TRAP1: variants seen among roughly 807,000 people sequenced by gnomAD.
TRAP1 encodes the protein heat shock protein 75 kDa, mitochondrial.
A neutral mutation model predicts 89.1 loss-of-function variants in TRAP1; 102 were observed. The observed-to-expected ratio is 1.15, with a 90% CI of 0.98 to 1.35. The LOEUF is 1.35. Ranked by LOEUF, TRAP1 falls within the 40% of genes most tolerant of loss-of-function variation. The pLI is 0.00. For missense variants in TRAP1, 1,256 were observed against 945.3 expected, an observed-to-expected ratio of 1.33 and a Z score of -4.31; for synonymous variants, 508 against 388.0, an observed-to-expected ratio of 1.31 and a Z score of -3.64.
intron 11 of TRAP1, among the ~76,000 whole-genome samples, chr16:3,667,155 C>T (rs2050844546): frequency 6.6e-6 from 1 of 151,994 alleles, no homozygotes; most frequent in Non-Finnish European, 1.5e-5. Flanking sequence ...TTGGGAAGAG[C>T]CTGGTATGGG....
chr16:3,681,522 C>T (rs1183656691), intron 4 of TRAP1, among the ~76,000 whole-genome samples: 2 of 152,174 alleles, frequency 1.3e-5, no homozygotes, highest in African/African-American at 4.8e-5. Context: ...AACATGGCAC[C>T]AAGAGGCTTC....
intron 11 of TRAP1, among the ~76,000 whole-genome samples, chr16:3,668,443 A>G (rs4786427): frequency 0.32 from 48,792 of 152,122 alleles, 8,819 homozygotes; most frequent in East Asian, 0.55. Context: ...CAAAATACCT[A>G]TAACATCTGT....
chr16:3,663,067 A>C, intron 14 of TRAP1, 100 bp from the exon 15 acceptor site: 1 of 888,142 alleles, frequency 1.1e-6, no homozygotes, highest in Non-Finnish European at 1.7e-6. Flanking sequence ...CTCCTCTCCC[A>C]CCAGGATGGA....
chr16:3,658,966 G>A, intron 16 of TRAP1, 101 bp from the exon 17 acceptor site: 8 of 1,198,204 alleles, frequency 6.7e-6, no homozygotes, highest in East Asian at 2.5e-5. Context: ...AGCACAGTAA[G>A]ACTGTCTGTA....
At chr16:3,689,269 G>C in intron 2 of TRAP1, 132 bp from the exon 3 acceptor site, 2 of 681,158 alleles carry the variant, frequency 2.9e-6, no homozygotes, top group Non-Finnish European at 4.5e-6. Context: ...TTTTGAGACG[G>C]AGTCTCGCTC....
chr16:3,716,006 G>A (rs1451060911), intron 1 of TRAP1, among the ~76,000 whole-genome samples: 12 of 152,118 alleles, frequency 7.9e-5, no homozygotes, highest in Admixed American at 7.9e-4. Flanking sequence ...GGGATTACAG[G>A]CGCGCGCCAC....
intron 1 of TRAP1, chr16:3,710,369 A>T (rs2051512332): frequency 6.6e-6 from 1 of 152,236 alleles, no homozygotes. Flanking sequence ...GAGAGGCCAA[A>T]AATATAAACA....
At chr16:3,706,456 C>CTTTTT (rs34658116) in intron 1 of TRAP1, among the ~76,000 whole-genome samples, 5 of 98,970 alleles carry the variant, frequency 5.1e-5, no homozygotes, top group East Asian at 3.0e-4. Context: ...TATTTGCACT[C>CTTTTT]TTTTTTTTTT....
chr16:3,663,177 T>C lies in TRAP1; in HGVS notation c.1709-210A>G, dbSNP rs2050726711. 1.8e-5 allele frequency: 12 copies of C among 658,134 alleles called. 1 individual carries two copies. In the South Asian group the frequency reaches 2.4e-4, roughly 13 times the overall value. The allele number at this position is 658,134 out of a possible 1,614,324, so 40.8% of individuals were successfully genotyped here. On this transcript the variant is annotated intron_variant, in intron 14 of 17. Transcript: ENST00000246957. ...CAACTTGGTTAGGGCTTTAAAAAAA[T>C]ACACAGCCTCTCAAGAAGCTGGGCC...
intron 1 of TRAP1, among the ~76,000 whole-genome samples, chr16:3,702,562 G>A (rs1034710475): frequency 1.8e-4 from 28 of 151,594 alleles, no homozygotes; most frequent in Non-Finnish European, 1.8e-4. Flanking sequence ...GGGCAAACTG[G>A]TGAAACCCCG....
At chr16:3,662,289 A>G in intron 15 of TRAP1, 157 bp from the exon 16 acceptor site, 1 of 880,756 alleles carries the variant, frequency 1.1e-6, no homozygotes. Context: ...ATTACCCACT[A>G]ACTTGTGGGC....
rs370791315 is a variant in TRAP1 at position 3,689,139 on chromosome 16, T to C, written c.248-2A>G. ...GGAACTCATGTTTGGAAGTGGAACC[T>C]AGTAATGAAACACAGACACAACCAA... On this transcript the variant is annotated splice_acceptor_variant, in intron 2 of 17. Transcript: ENST00000246957. LOFTEE classifies it high-confidence loss of function. 89 of 1,612,880 alleles carry C rather than the reference T, an allele frequency of 5.5e-5. No individual in the cohort carries two copies. Among genetic ancestry groups the C allele is most frequent in the Non-Finnish European group, 7.4e-5 (87 of 1,179,358 alleles).
chr16:3,711,582 G>C (rs956337207), intron 1 of TRAP1, among the ~76,000 whole-genome samples: 2 of 151,448 alleles, frequency 1.3e-5, no homozygotes, highest in African/African-American at 2.4e-5. Flanking sequence ...CTGGGAAACA[G>C]AGCAAGACTC....
In TRAP1 at chr16:3,679,664, G is replaced by C. The variant is rs2051048286; in HGVS notation, c.543+55C>G. ...GGCACCCAGGGCCACCCCTACTGGAGGGATCCTTGCACCCTGAGGGGAAGG... is the reference window on the plus strand; with the variant it reads ...GGCACCCAGGGCCACCCCTACTGGACGGATCCTTGCACCCTGAGGGGAAGG... On this transcript the variant is annotated intron_variant, in intron 5 of 17. Coordinates refer to ENST00000246957, the MANE Select transcript of TRAP1 (RefSeq NM_016292.3). The C allele has an allele frequency of 5.7e-6, 9 of 1,592,240 alleles. No homozygotes were observed. In the South Asian group the frequency reaches 9.9e-5, roughly 18 times the overall value.
At chr16:3,668,178 T>C (rs1596704303) in intron 11 of TRAP1, among the ~76,000 whole-genome samples, 5 of 152,110 alleles carry the variant, frequency 3.3e-5, no homozygotes, top group Admixed American at 3.3e-4. Context: ...CGCCTCGGCC[T>C]CCCAAAGTGC....
At chr16:3,666,351 G>A (rs1168595963) in intron 11 of TRAP1, among the ~76,000 whole-genome samples, 3 of 129,572 alleles carry the variant, frequency 2.3e-5, no homozygotes, top group African/African-American at 3.5e-5. Context: ...TAGGAGAACC[G>A]ATGCCCCCAG....
intron 1 of TRAP1, among the ~76,000 whole-genome samples, chr16:3,703,869 G>C (rs548490609): frequency 1.3e-5 from 2 of 151,658 alleles, no homozygotes; most frequent in African/African-American, 4.9e-5. Flanking sequence ...CAAAAAATTA[G>C]CCGGGCGTGG....
chr16:3,663,359 C>G, intron 14 of TRAP1, 65 bp downstream of exon 14: 1 of 1,594,610 alleles, frequency 6.3e-7, no homozygotes, highest in Non-Finnish European at 8.6e-7. Context: ...GCCCTCGCTG[C>G]GGGGCAGGAG....
chr16:3,709,133 TAA>T (rs1450284500), intron 1 of TRAP1, among the ~76,000 whole-genome samples: 1 of 145,372 alleles, frequency 6.9e-6, no homozygotes, highest in Non-Finnish European at 1.5e-5. Context: ...TCTCAATTTT[TAA>T]AAGTTATTTA....
Sources: gnomAD v4.1 joint callset for allele counts (sites outside exome capture counted in the v4.1 genomes callset) on GRCh38, gnomAD v4.1.1 for gene constraint, MANE v1.5 for transcripts, NCBI Gene and HGNC (gene_info 2026-07-23, HGNC 2026-07-21) for gene names.